TMEM164: variants seen among roughly 807,000 people sequenced by gnomAD.
The protein encoded by TMEM164 is RP13-360B22.2.
In TMEM164, 4 loss-of-function variants were observed where a neutral mutation model predicts 18.8. The ratio of observed to expected loss-of-function variants is 0.21; its 90% CI spans 0.10 to 0.49. TMEM164 has a LOEUF of 0.49. Ranked by LOEUF, TMEM164 falls within the 20% of genes least tolerant of loss-of-function variation. The probability of loss-of-function intolerance (pLI) is 0.98; values close to 1 mark genes in which losing one functional copy is unlikely to be tolerated. For missense variants in TMEM164, 108 were observed against 239.9 expected, an observed-to-expected ratio of 0.45 and a Z score of 3.63; for synonymous variants, 86 against 101.7, an observed-to-expected ratio of 0.85 and a Z score of 0.93.
intron 2 of TMEM164, among the ~76,000 whole-genome samples, chrX:110,006,670 A>G (rs1474625573): frequency 8.9e-6 from 1 of 112,089 alleles, no homozygotes; most frequent in East Asian, 2.8e-4. Context: ...TAGTATGTAT[A>G]CCCAGAATAC....
chrX:110,157,902 G>A (rs1290062591), intron 5 of TMEM164, among the ~76,000 whole-genome samples: 1 of 111,014 alleles, frequency 9.0e-6, no homozygotes, highest in African/African-American at 3.3e-5. Context: ...TTGATTGATT[G>A]ATGAGATGGA....
chrX:110,147,709 A>G (rs1023193498), intron 5 of TMEM164, among the ~76,000 whole-genome samples: 2 of 110,414 alleles, frequency 1.8e-5, no homozygotes, highest in African/African-American at 6.6e-5. Context: ...TTATAATTTG[A>G]GCCAACATCC....
At chrX:110,078,838 A>G (rs942029547) in intron 3 of TMEM164, among the ~76,000 whole-genome samples, 8 of 112,157 alleles carry the variant, frequency 7.1e-5, no homozygotes, top group Non-Finnish European at 1.1e-4. Context: ...AAATTAAATT[A>G]AACTTTATAC....
intron 4 of TMEM164, among the ~76,000 whole-genome samples, chrX:110,119,276 C>T (rs892948132): frequency 9.0e-6 from 1 of 111,448 alleles, no homozygotes; most frequent in Admixed American, 9.5e-5. Flanking sequence ...CATTTCTTTA[C>T]AGAAGTGATA....
intron 2 of TMEM164, among the ~76,000 whole-genome samples, chrX:110,020,907 A>T (rs1174007188): frequency 9.3e-6 from 1 of 107,094 alleles, no homozygotes; most frequent in East Asian, 2.9e-4. Context: ...AGTTGTTCAC[A>T]ATGTATTGCT....
At chrX:110,025,528 AT>A (rs1473763399) in intron 2 of TMEM164, among the ~76,000 whole-genome samples, 1 of 112,264 alleles carries the variant, frequency 8.9e-6, no homozygotes, top group Non-Finnish European at 1.9e-5. Flanking sequence ...AGTTCATGTA[AT>A]TGCATGTTCC....
intron 3 of TMEM164, among the ~76,000 whole-genome samples, chrX:110,075,871 T>A (rs1406177515): frequency 9.0e-6 from 1 of 111,362 alleles, no homozygotes; most frequent in Non-Finnish European, 1.9e-5. Context: ...TAGTATTTTG[T>A]TGAGGATTTT....
chrX:110,019,181 C>G (rs1293534451), intron 2 of TMEM164, among the ~76,000 whole-genome samples: 1 of 111,241 alleles, frequency 9.0e-6, no homozygotes, highest in Non-Finnish European at 1.9e-5. Context: ...GTATCATCTG[C>G]CATGATACTG....
At chrX:110,063,647 G>C (rs1375846983) in intron 2 of TMEM164, among the ~76,000 whole-genome samples, 1 of 111,477 alleles carries the variant, frequency 9.0e-6, no homozygotes, top group Non-Finnish European at 1.9e-5. Context: ...TGGAACCGTG[G>C]ATTTTTTCTG....
At chrX:110,023,270 C>G (rs1195812026) in intron 2 of TMEM164, among the ~76,000 whole-genome samples, 1 of 111,552 alleles carries the variant, frequency 9.0e-6, no homozygotes, top group Non-Finnish European at 1.9e-5. Context: ...CCTACTCCTC[C>G]TAAGGGTCTT....
intron 2 of TMEM164, among the ~76,000 whole-genome samples, chrX:110,064,103 T>G (rs899057731): frequency 5.4e-5 from 6 of 111,326 alleles, no homozygotes. Flanking sequence ...TCCCAGGTGA[T>G]GGGAAAGTGG....
intron 2 of TMEM164, among the ~76,000 whole-genome samples, chrX:110,034,244 G>A (rs770372429): frequency 2.7e-5 from 3 of 112,062 alleles, no homozygotes; most frequent in East Asian, 2.8e-4. Flanking sequence ...TACCCTCCTC[G>A]GAAACTTCTA....
intron 4 of TMEM164, among the ~76,000 whole-genome samples, chrX:110,122,125 T>C (rs923289328): frequency 9.1e-6 from 1 of 109,894 alleles, no homozygotes; most frequent in African/African-American, 3.3e-5. Context: ...CACATGCACA[T>C]GTATGTTTAT....
chrX:110,094,071 T>A (rs2065975415), intron 3 of TMEM164, among the ~76,000 whole-genome samples: 1 of 111,690 alleles, frequency 9.0e-6, no homozygotes, highest in Admixed American at 9.6e-5. Context: ...ATAATTTCTG[T>A]TCTTTTACAT....
intron 5 of TMEM164, among the ~76,000 whole-genome samples, chrX:110,149,302 C>T (rs2066907030): frequency 9.0e-6 from 1 of 111,581 alleles, no homozygotes; most frequent in Non-Finnish European, 1.9e-5. Flanking sequence ...TCTCAATTAC[C>T]CTTTATTCCT....
chrX:110,124,660 A>G (rs1431560323), intron 4 of TMEM164, among the ~76,000 whole-genome samples: 1 of 111,810 alleles, frequency 8.9e-6, no homozygotes, highest in East Asian at 2.8e-4. Context: ...TGTAGTGGAT[A>G]AGAACAGGAG....
At chrX:110,182,993 T>C (rs1392636419), downstream of TMEM164, among the ~76,000 whole-genome samples, 2 of 112,267 alleles carry the variant, frequency 1.8e-5, no homozygotes, top group African/African-American at 6.5e-5. Context: ...TCAGCCTGGA[T>C]TACAGCTGCC....
chrX:110,107,589 C>T (rs1024281505), intron 3 of TMEM164, among the ~76,000 whole-genome samples: 3 of 110,556 alleles, frequency 2.7e-5, no homozygotes, highest in Admixed American at 1.9e-4. Context: ...TGCCATTCTC[C>T]GGGGTCTCCT....
At chrX:110,160,606 G>A (rs993411429) in intron 5 of TMEM164, among the ~76,000 whole-genome samples, 1 of 112,030 alleles carries the variant, frequency 8.9e-6, no homozygotes, top group Admixed American at 9.4e-5. Flanking sequence ...TGGGGTGCAG[G>A]GGGTGGGGTG....
Sources: allele counts gnomAD v4.1 joint callset (sites outside exome capture counted in the v4.1 genomes callset), GRCh38; gene constraint gnomAD v4.1.1; transcripts MANE v1.5; gene names NCBI Gene and HGNC (gene_info 2026-07-23, HGNC 2026-07-21).